IPO9: variants seen among roughly 807,000 people sequenced by gnomAD.
IPO9 encodes the protein importin-9.
In IPO9, 28 loss-of-function variants were observed where a neutral mutation model predicts 128.6. That is an observed-to-expected ratio of 0.22 (90% CI 0.16 to 0.30). The LOEUF (loss-of-function observed/expected upper bound fraction) is 0.30. Among genes scored for constraint, IPO9 ranks in the 10% least tolerant of loss-of-function variants. The pLI is 1.00. For missense variants in IPO9, 935 were observed against 1,293.9 expected, an observed-to-expected ratio of 0.72 and a Z score of 4.26; for synonymous variants, 455 against 475.8, an observed-to-expected ratio of 0.96 and a Z score of 0.57.
At chr1:201,853,151 G>A (rs1307451096) in intron 6 of IPO9, 54 bp downstream of exon 6, 2 of 1,384,796 alleles carry the variant, frequency 1.4e-6, no homozygotes, top group African/African-American at 2.8e-5. Flanking sequence ...TTTTATTCAT[G>A]CAGAGCAGTG....
intron 15 of IPO9, among the ~76,000 whole-genome samples, chr1:201,867,762 AAG>A (rs1429312979): frequency 3.3e-5 from 5 of 152,022 alleles, no homozygotes; most frequent in Admixed American, 6.6e-5. Context: ...TCTTTTTTTA[AAG>A]AGAGAGCTCC....
At chr1:201,850,049 A>C (rs1213507025) in intron 4 of IPO9, among the ~76,000 whole-genome samples, 2 of 152,228 alleles carry the variant, frequency 1.3e-5, no homozygotes, top group Admixed American at 1.3e-4. Flanking sequence ...GGTTCTTTTG[A>C]CAAACCTAGA....
At chr1:201,865,199 C>CTTTTTTTTTTTTTTTTTTTTTTTT (rs201084995) in intron 14 of IPO9, among the ~76,000 whole-genome samples, 2 of 132,852 alleles carry the variant, frequency 1.5e-5, no homozygotes, top group African/African-American at 2.8e-5. Context: ...AACTATTTTT[C>CTTTTTTTTTTTTTTTTTTTTTTTT]TTTTTTTTTT....
chr1:201,869,973 G>A lies in IPO9; in HGVS notation c.2133+255G>A, dbSNP rs564456393. On this transcript the variant is annotated intron_variant, in intron 17 of 23. Coordinates refer to ENST00000361565, the MANE Select transcript of IPO9 (RefSeq NM_018085.5). Reference sequence around the variant, plus strand: ...ATTGGGTATTGCTACTGTGAAAGAGGTTACAGACATCTAGACTTGGGGCCA... The same window carrying A: ...ATTGGGTATTGCTACTGTGAAAGAGATTACAGACATCTAGACTTGGGGCCA... Among the ~76,000 whole-genome samples, 8 of 152,270 alleles carry A rather than the reference G, an allele frequency of 5.3e-5. No individual in the cohort carries two copies. In the East Asian group the frequency reaches 5.8e-4, roughly 11 times the overall value.
chr1:201,843,268 T>A (rs1031237363), intron 1 of IPO9, among the ~76,000 whole-genome samples: 2 of 152,218 alleles, frequency 1.3e-5, no homozygotes, highest in African/African-American at 4.8e-5. Context: ...ATCAGTCCAT[T>A]AGGAATTCTG....
intron 1 of IPO9, among the ~76,000 whole-genome samples, chr1:201,837,264 G>C (rs1446206592): frequency 2.0e-5 from 3 of 152,208 alleles, no homozygotes; most frequent in Non-Finnish European, 2.9e-5. Flanking sequence ...TCTAGCTACT[G>C]TGATCATCAC....
At chr1:201,867,117 T>C (rs987980875) in intron 15 of IPO9, among the ~76,000 whole-genome samples, 158 bp downstream of exon 15, 4 of 152,188 alleles carry the variant, frequency 2.6e-5, no homozygotes, top group African/African-American at 7.2e-5. Context: ...AAAAATAGAA[T>C]TGTGCTGTAA....
At position 201,874,327 on chromosome 1, in the gene IPO9, G is replaced by A; in HGVS notation, c.2788G>A (p.Glu930Lys). Residue 930 changes from glutamate (E) to lysine (K), a missense_variant, in exon 21 of 24, where the codon GAG becomes AAG. Physicochemically the swap from Glu to Lys is moderately conservative, Grantham distance 56. Coordinates refer to ENST00000361565, the MANE Select transcript of IPO9 (RefSeq NM_018085.5). ...LIINELSNVM[E>K]ANAARQATPA... is the part of the protein sequence containing the mutation. ...CATCAACGAGCTCTCCAACGTCATG[G>A]AGGCTAATGCCGCTCGCCAGGCCAC... is the stretch of plus-strand genomic sequence containing the variant. 1.9e-6 allele frequency: 3 copies of A among 1,614,046 alleles called. No individual in the cohort carries two copies. The highest frequency in any genetic ancestry group is 2.5e-6 in the Non-Finnish European group (3 of 1,179,948).
In IPO9 at chr1:201,858,565, C is replaced by T; in HGVS notation, c.1328+12C>T. The stretch of plus-strand genomic sequence containing the variant: ...GGCACTGAGCACTGGTAAGAGTGAG[C>T]CGCTAATTGGTTAAGATGCTTTTGT... On this transcript the variant is annotated intron_variant, in intron 12 of 23. Coordinates refer to ENST00000361565, the MANE Select transcript of IPO9 (RefSeq NM_018085.5). 2 of 1,445,388 alleles carry T rather than the reference C, an allele frequency of 1.4e-6. No individual in the cohort carries two copies. The highest frequency in any genetic ancestry group is 1.9e-6 in the Non-Finnish European group (2 of 1,063,082). 89.5% of individuals were successfully genotyped at this position (1,445,388 alleles called of 1,614,324 possible). A position where few individuals can be genotyped will look rare whatever the true frequency, so the allele number is the denominator to read the frequency against.
In IPO9 at chr1:201,829,430, C is replaced by T. The variant is rs562583836; in HGVS notation, c.163+58C>T. On this transcript the variant is annotated intron_variant, in intron 1 of 23. Coordinates refer to ENST00000361565, the MANE Select transcript of IPO9 (RefSeq NM_018085.5). ...CAGCCGCACAATCCGCTGACCGCAG[C>T]TCCGTACCGGCTGGGGACATGGGGA... 9 of 1,460,836 alleles carry T rather than the reference C, an allele frequency of 6.2e-6. No individual in the cohort carries two copies. In the East Asian group the frequency reaches 2.6e-4, roughly 43 times the overall value. The allele number at this position is 1,460,836 out of a possible 1,614,324, so 90.5% of individuals were successfully genotyped here. A position where few individuals can be genotyped will look rare whatever the true frequency, so the allele number is the denominator to read the frequency against.
intron 13 of IPO9, among the ~76,000 whole-genome samples, chr1:201,859,724 C>G (rs1300673640): frequency 1.3e-5 from 2 of 152,134 alleles, no homozygotes; most frequent in East Asian, 1.9e-4. Context: ...CTTTGGGAGG[C>G]TAAGGCAGGT....
intron 4 of IPO9, among the ~76,000 whole-genome samples, chr1:201,850,970 C>T (rs1409163360): frequency 1.3e-5 from 2 of 152,024 alleles, no homozygotes; most frequent in African/African-American, 2.4e-5. Flanking sequence ...AGCTGTGTAT[C>T]TTCCCCCAAA....
intron 13 of IPO9, among the ~76,000 whole-genome samples, chr1:201,861,270 G>T (rs1571550852): frequency 6.6e-6 from 1 of 152,198 alleles, no homozygotes; most frequent in Admixed American, 6.5e-5. Flanking sequence ...AACTGCTTCT[G>T]TACATTATCA....
At chr1:201,840,839 T>C (rs746941300) in intron 1 of IPO9, among the ~76,000 whole-genome samples, 84 of 152,130 alleles carry the variant, frequency 5.5e-4, no homozygotes, top group Non-Finnish European at 1.0e-3. Context: ...TAAAAAAATG[T>C]GTCTGCTCAT....
chr1:201,859,968 A>AT lies in IPO9; in HGVS notation c.1468+974_1468+975insT, dbSNP rs1378413066. ...AGCGAGACTTGGTTTAAAAAAAAAA[A>AT]AAAGGTAGCCCTTTACTATTAGACC... On this transcript the variant is annotated intron_variant, in intron 13 of 23. Transcript: ENST00000361565. Among the ~76,000 whole-genome samples, 3 of 152,094 alleles carry AT rather than the reference A, an allele frequency of 2.0e-5. No individual in the cohort carries two copies. In the East Asian group the frequency reaches 5.8e-4, roughly 29 times the overall value.
chr1:201,876,658 C>A lies in IPO9; in HGVS notation c.*604C>A, dbSNP rs775048010. Reference sequence around the variant, plus strand: ...AGAGGAGGTCGTCTTGTTTTTGCTTCATTGCATGACATAACCCTTCCCCTC... The same window carrying A: ...AGAGGAGGTCGTCTTGTTTTTGCTTAATTGCATGACATAACCCTTCCCCTC... On this transcript the variant is annotated 3_prime_UTR_variant, in exon 24 of 24. Transcript: ENST00000361565. The A allele has an allele frequency of 6.3e-6, 1 of 159,430 alleles. No homozygotes were observed. Among genetic ancestry groups the A allele is most frequent in the Non-Finnish European group, 1.4e-5 (1 of 72,046 alleles). The allele number at this position is 159,430 out of a possible 1,614,324, so 9.9% of individuals were successfully genotyped here.
rs766914123 is a variant in IPO9 at position 201,872,881 on chromosome 1, G to A, written c.2630G>A (p.Arg877Gln). The A allele has an allele frequency of 1.2e-6, 2 of 1,613,980 alleles. No individual in the cohort carries two copies. The highest frequency in any genetic ancestry group is 1.7e-6 in the Non-Finnish European group (2 of 1,179,974). ...CATGGCATCAATGCAGATGACAAACGGCTACAGGATATCCGTGTGAAGGGA... is the reference window on the plus strand; with the variant it reads ...CATGGCATCAATGCAGATGACAAACAGCTACAGGATATCCGTGTGAAGGGA... ...LQHGINADDK[R>Q]LQDIRVKGEE... Residue 877 changes from arginine (R) to glutamine (Q), a missense_variant, in exon 20 of 24, where the codon CGG becomes CAG. By Grantham distance (43) the Arg-to-Gln change is conservative. Transcript: ENST00000361565.
At position 201,830,720 on chromosome 1, in the gene IPO9, A is replaced by G. The variant is rs79804169; in HGVS notation, c.163+1348A>G. 5.5e-4 allele frequency among the ~76,000 whole-genome samples: 84 copies of G among 152,326 alleles called. No individual in the cohort carries two copies. The East Asian group carries it at 0.016, about 28-fold the overall frequency. On this transcript the variant is annotated intron_variant, in intron 1 of 23. Coordinates refer to ENST00000361565, the MANE Select transcript of IPO9 (RefSeq NM_018085.5). ...GGAAGGAAGAGTGACAAAGCAAAGG[A>G]ACCTCATCACATTCAAGTTGTCACC...
chr1:201,881,469 A>G lies in IPO9; in HGVS notation c.*5415A>G, dbSNP rs888048901. The G allele has an allele frequency of 2.6e-5, 4 of 152,226 alleles. No homozygotes were observed. The highest frequency in any genetic ancestry group is 9.6e-5 in the African/African-American group (4 of 41,452). The allele number at this position is 152,226 out of a possible 1,614,324, so 9.4% of individuals were successfully genotyped here. A position where few individuals can be genotyped will look rare whatever the true frequency, so the allele number is the denominator to read the frequency against. ...AGATGAGAGTGGGGTAAGACATTGC[A>G]GAGAAAAAGTAAGAAAAGGCCGTCA... On this transcript the variant is annotated 3_prime_UTR_variant, in exon 24 of 24. Transcript: ENST00000361565.
Sources: allele counts gnomAD v4.1 joint callset (sites outside exome capture counted in the v4.1 genomes callset), GRCh38; gene constraint gnomAD v4.1.1; transcripts MANE v1.5; gene names NCBI Gene and HGNC (gene_info 2026-07-23, HGNC 2026-07-21).